The following TASL variants were observed in gnomAD, a reference collection of about 807,000 sequenced individuals.
TASL encodes TLR adapter interacting with SLC15A4 on the lysosome.
In TASL, 6 loss-of-function variants were observed where a neutral mutation model predicts 12.9. The observed-to-expected ratio is 0.46, with a 90% confidence interval of 0.25 to 0.92. The LOEUF is 0.92. Among genes scored for constraint, TASL ranks in the 40% least tolerant of loss-of-function variants. The probability of loss-of-function intolerance (pLI) is 0.17; values close to 1 mark genes in which losing one functional copy is unlikely to be tolerated. For missense variants in TASL, 165 were observed against 212.8 expected, an observed-to-expected ratio of 0.78 and a Z score of 1.40; for synonymous variants, 85 against 79.3, an observed-to-expected ratio of 1.07 and a Z score of -0.38.
intron 2 of TASL, among the ~76,000 whole-genome samples, chrX:30,571,246 GAGAAAGAAAGAGAAAGAAAGAAAGAA>G (rs1391916531): frequency 2.1e-5 from 1 of 47,075 alleles, no homozygotes; most frequent in Non-Finnish European, 3.5e-5. Flanking sequence ...GAAGGAAAAA[GAGAAAGAAAGAGAAAGAAAGAAAGAA>G]AGAAAGAAAG....
chrX:30,559,912 G>C lies in TASL; in HGVS notation c.444C>G (p.Ser148Arg). Reference protein sequence around the residue: ...NSVTTDFPSESSFEYGPLLKS... With the variant: ...NSVTTDFPSERSFEYGPLLKS... ...TCAGCAAAGGGCCATATTCAAAACT[G>C]CTCTCAGAGGGAAAATCTGTTGTCA... The change falls in exon 3 of 3, where the codon AGC becomes AGG. Residue 148 changes from serine to arginine, a missense_variant. Ser to Arg is a moderately radical substitution (Grantham distance 110, BLOSUM62 -1). Transcript: ENST00000378962. The C allele has an allele frequency of 4.1e-6, 5 of 1,211,130 alleles. No homozygotes were observed. The highest frequency in any genetic ancestry group is 5.6e-6 in the Non-Finnish European group (5 of 894,902).
intron 2 of TASL, among the ~76,000 whole-genome samples, chrX:30,575,839 A>G (rs144958824): frequency 0.019 from 2,094 of 111,828 alleles, 53 homozygotes; most frequent in African/African-American, 0.064. Context: ...ATATTAGTAA[A>G]TATATTTTAT....
At position 30,560,204 on chromosome X, in the gene TASL, A is replaced by C; in HGVS notation, c.152T>G (p.Val51Gly). The part of the protein sequence containing the change: ...LSYSSVDETQ[V>G]RSLYVSCKSS... ...TTTGCAGCTCACGTAGAGACTTCTG[A>C]CTTGTGTTTCATCCACAGAGGAATA... Residue 51 changes from valine to glycine, a missense_variant, in exon 3 of 3, where the codon GTC (valine) becomes GGC (glycine). Val to Gly is a moderately radical substitution (Grantham distance 109). Coordinates refer to ENST00000378962, the MANE Select transcript of TASL (RefSeq NM_025159.3). The C allele has an allele frequency of 8.3e-7, 1 of 1,211,418 alleles. No homozygotes were observed. Among genetic ancestry groups the C allele is most frequent in the Non-Finnish European group, 1.1e-6 (1 of 895,418 alleles).
At chrX:30,570,451 A>G (rs1381879819) in intron 2 of TASL, among the ~76,000 whole-genome samples, 1 of 111,296 alleles carries the variant, frequency 9.0e-6, no homozygotes, top group African/African-American at 3.3e-5. Flanking sequence ...TCACAAAAAA[A>G]CTCTAATATT....
At chrX:30,561,385 G>T (rs1394708730) in intron 2 of TASL, among the ~76,000 whole-genome samples, 4 of 111,010 alleles carry the variant, frequency 3.6e-5, no homozygotes, top group Non-Finnish European at 5.7e-5. Flanking sequence ...GTCTAGAGTG[G>T]CTAGAACAGG....
chrX:30,564,012 G>A (rs1236610814), intron 2 of TASL, among the ~76,000 whole-genome samples: 1 of 111,564 alleles, frequency 9.0e-6, no homozygotes, highest in Non-Finnish European at 1.9e-5. Flanking sequence ...AGTCTGATAT[G>A]AGAAACATCA....
chrX:30,562,405 A>T (rs193055052), intron 2 of TASL, among the ~76,000 whole-genome samples: 2 of 111,446 alleles, frequency 1.8e-5, no homozygotes, highest in East Asian at 5.6e-4. Context: ...AGCCACACAG[A>T]TCACCTGGGC....
chrX:30,562,034 A>C (rs1194345331), intron 2 of TASL, among the ~76,000 whole-genome samples: 1 of 111,372 alleles, frequency 9.0e-6, no homozygotes, highest in Non-Finnish European at 1.9e-5. Flanking sequence ...TCAACACCCT[A>C]CCCCCACCTA....
intron 2 of TASL, among the ~76,000 whole-genome samples, chrX:30,565,495 A>G (rs1011764334): frequency 2.7e-5 from 3 of 112,110 alleles, no homozygotes; most frequent in African/African-American, 9.7e-5. Flanking sequence ...AGCTAAGCAA[A>G]TGAAAAATCT....
Position 30,559,289 on chromosome X carries a change from TTA to T in TASL, c.*159_*160del. 2.4e-6 allele frequency: 1 copy of T among 422,761 alleles called. No homozygotes were observed. Among genetic ancestry groups the T allele is most frequent in the Non-Finnish European group, 4.1e-6 (1 of 243,693 alleles). 34.8% of individuals were successfully genotyped at this position (422,761 alleles called of 1,213,427 possible). On this transcript the variant is annotated 3_prime_UTR_variant, in exon 3 of 3. Transcript: ENST00000378962. The stretch of plus-strand genomic sequence containing the variant: ...CCATATTCCTTCATCAAGTGTAATA[TTA>T]TGAGATTTCTCCATGATTCACACAT...
chrX:30,569,586 T>C lies in TASL; in HGVS notation c.-2+7166A>G, dbSNP rs764482674. Among the ~76,000 whole-genome samples, 31 of 111,683 alleles carry C rather than the reference T, an allele frequency of 2.8e-4. No individual in the cohort carries two copies. The East Asian group carries it at 8.4e-3, about 30-fold the overall frequency. On this transcript the variant is annotated intron_variant, in intron 2 of 2. Transcript: ENST00000378962. ...GCAGTAGGAATTTATATTGGGGGCT[T>C]GAGGAGCTTTCTAGGTTTGTAACTT...
intron 2 of TASL, among the ~76,000 whole-genome samples, chrX:30,562,343 G>C (rs1396216704): frequency 9.0e-6 from 1 of 111,678 alleles, no homozygotes; most frequent in African/African-American, 3.3e-5. Context: ...AGAGTAGACA[G>C]GTTTGCAAAA....
At chrX:30,573,049 T>C (rs1175993130) in intron 2 of TASL, among the ~76,000 whole-genome samples, 1 of 112,370 alleles carries the variant, frequency 8.9e-6, no homozygotes, top group Non-Finnish European at 1.9e-5. Context: ...GATTAGATAT[T>C]ATCATAATCT....
intron 2 of TASL, among the ~76,000 whole-genome samples, chrX:30,576,439 G>A (rs910964219): frequency 2.7e-5 from 3 of 111,396 alleles, no homozygotes; most frequent in Admixed American, 1.9e-4. Context: ...AAGACAAAGC[G>A]AGAGAGAAAG....
At chrX:30,571,637 G>A (rs201494075) in intron 2 of TASL, among the ~76,000 whole-genome samples, 2 of 13,032 alleles carry the variant, frequency 1.5e-4, no homozygotes, top group Non-Finnish European at 2.5e-4. Context: ...CAAAAAAAAG[G>A]GGGGGGGGGC....
intron 2 of TASL, among the ~76,000 whole-genome samples, chrX:30,565,356 C>T (rs1319671150): frequency 8.9e-6 from 1 of 112,071 alleles, no homozygotes; most frequent in Non-Finnish European, 1.9e-5. Context: ...TAAAAGGCAA[C>T]CAGGCTGATT....
chrX:30,565,611 T>C (rs747369276), intron 2 of TASL, among the ~76,000 whole-genome samples: 13 of 100,230 alleles, frequency 1.3e-4, no homozygotes, highest in Non-Finnish European at 2.2e-4. Context: ...GTACTTGTAA[T>C]ATGGCTAAGG....
intron 2 of TASL, among the ~76,000 whole-genome samples, chrX:30,569,128 G>A (rs1363410821): frequency 9.0e-6 from 1 of 111,247 alleles, no homozygotes; most frequent in Non-Finnish European, 1.9e-5. Context: ...TTCACCACAT[G>A]ATATAATATG....
intron 2 of TASL, among the ~76,000 whole-genome samples, chrX:30,563,574 C>T (rs767184832): frequency 8.9e-6 from 1 of 111,913 alleles, no homozygotes; most frequent in East Asian, 2.8e-4. Flanking sequence ...TCATCTTTCA[C>T]ACCTGGCCAT....
Sources: allele counts gnomAD v4.1 joint callset (sites outside exome capture counted in the v4.1 genomes callset), GRCh38; gene constraint gnomAD v4.1.1; transcripts MANE v1.5; gene names NCBI Gene and HGNC (gene_info 2026-07-23, HGNC 2026-07-21).